TRDMT1: variants seen among roughly 807,000 people sequenced by gnomAD.
TRDMT1 encodes tRNA (cytosine(38)-C(5))-methyltransferase.
Under a neutral mutation model 51.2 loss-of-function variants are expected in TRDMT1, and 49 were observed. The observed-to-expected ratio is 0.96, with a 90% CI of 0.76 to 1.21. The LOEUF is 1.21. Among genes scored for constraint, TRDMT1 ranks in the 50% most tolerant of loss-of-function variants. The pLI is 0.00. For synonymous variants in TRDMT1, 187 were observed against 164.6 expected (o/e 1.14, Z -1.04); for missense variants, 534 against 462.3 (o/e 1.16, Z -1.42).
At position 17,179,357 on chromosome 10, in the gene TRDMT1, G is replaced by A. The variant is rs118067068; in HGVS notation, c.65-4697C>T. ...GGCTACAGAAAGGCCACATAGCCCA[G>A]CATTACCCTTAGTCCTGAGGATGCA... On this transcript the variant is annotated intron_variant, in intron 1 of 10. Coordinates refer to ENST00000377799, the MANE Select transcript of TRDMT1 (RefSeq NM_004412.7). 1.0e-3 allele frequency among the ~76,000 whole-genome samples: 152 copies of A among 152,170 alleles called. 4 individuals are homozygous for A. The East Asian group carries it at 0.017, about 17-fold the overall frequency.
intron 3 of TRDMT1, among the ~76,000 whole-genome samples, chr10:17,167,513 TG>T (rs1332084780): frequency 6.6e-6 from 1 of 152,192 alleles, no homozygotes; most frequent in Non-Finnish European, 1.5e-5. Flanking sequence ...GGATTACTAC[TG>T]CTATTTTCAT....
chr10:17,180,065 C>A (rs755530585), intron 1 of TRDMT1, among the ~76,000 whole-genome samples: 6 of 152,100 alleles, frequency 3.9e-5, no homozygotes, highest in Non-Finnish European at 8.8e-5. Context: ...TTACTACCTG[C>A]CATTATTGAC....
chr10:17,200,283 T>C (rs1845976563), intron 1 of TRDMT1, among the ~76,000 whole-genome samples: 1 of 152,200 alleles, frequency 6.6e-6, no homozygotes, highest in Admixed American at 6.5e-5. Flanking sequence ...AGCAATTCAT[T>C]AAGGAGTTTC....
At chr10:17,164,382 G>C (rs1317194269) in intron 3 of TRDMT1, among the ~76,000 whole-genome samples, 1 of 152,098 alleles carries the variant, frequency 6.6e-6, no homozygotes, top group African/African-American at 2.4e-5. Flanking sequence ...AATAATAAGA[G>C]CTATCTATGA....
chr10:17,151,264 A>C lies in TRDMT1; in HGVS notation c.1076-2124T>G, dbSNP rs990253110. The C allele has an allele frequency of 1.5e-5, 15 of 968,166 alleles. 1 individual carries two copies. The African/African-American group carries it at 2.6e-4, about 17-fold the overall frequency. 60.0% of individuals were successfully genotyped at this position (968,166 alleles called of 1,614,324 possible). A position where few individuals can be genotyped will look rare whatever the true frequency, so the allele number is the denominator to read the frequency against. The stretch of plus-strand genomic sequence containing the variant: ...TTAAAAGACAACTTTTAAAAAACTT[A>C]GATACATTAAAAATAACAATAATAA... On this transcript the variant is annotated intron_variant, in intron 10 of 10. Transcript: ENST00000377799.
chr10:17,148,045 CTCTT>C lies in TRDMT1; in HGVS notation c.*991_*994del. On this transcript the variant is annotated 3_prime_UTR_variant, in exon 11 of 11. Transcript: ENST00000377799. ...GGACTTGTTTCTTTTCATCTCTCTT[CTCTT>C]TGTCACTTGCTTTTATCACAAACCA... is the stretch of plus-strand genomic sequence containing the variant. 1 of 985,310 alleles carries C rather than the reference CTCTT, an allele frequency of 1.0e-6. No homozygotes were observed. The highest frequency in any genetic ancestry group is 1.1e-4 in the East Asian group (1 of 8,812). The allele number at this position is 985,310 out of a possible 1,614,324, so 61.0% of individuals were successfully genotyped here.
chr10:17,159,802 C>T (rs1046790317), intron 6 of TRDMT1, among the ~76,000 whole-genome samples: 5 of 152,100 alleles, frequency 3.3e-5, no homozygotes, highest in African/African-American at 1.2e-4. Context: ...AAGCTGACAG[C>T]AACACTTGCA....
intron 1 of TRDMT1, among the ~76,000 whole-genome samples, chr10:17,179,602 G>C (rs1359760994): frequency 6.6e-6 from 1 of 151,704 alleles, no homozygotes; most frequent in African/African-American, 2.4e-5. Context: ...TTATAATTAA[G>C]GTTAGAAAAT....
At chr10:17,198,666 T>C (rs1206158358) in intron 1 of TRDMT1, among the ~76,000 whole-genome samples, 3 of 152,208 alleles carry the variant, frequency 2.0e-5, no homozygotes, top group Non-Finnish European at 4.4e-5. Context: ...GGAGTTATTG[T>C]TTAACAGGTA....
rs11254402 is a variant in TRDMT1, at chr10:17,147,591, T to C, written c.*1449A>G. On this transcript the variant is annotated 3_prime_UTR_variant, in exon 11 of 11. Transcript: ENST00000377799. ...ATCCCCACAGGGTGGCTTATTTCAC[T>C]TCGCATAATGTACTCAAGGTTCATC... 21,549 of 156,280 alleles carry C rather than the reference T, an allele frequency of 0.14. 1,590 individuals are homozygous for C. The highest frequency in any genetic ancestry group is 0.17 in the Admixed American group (2,604 of 15,292). The allele number at this position is 156,280 out of a possible 1,614,324, so 9.7% of individuals were successfully genotyped here.
rs925753658 is a variant in TRDMT1, at chr10:17,144,119, C to T, written c.*4921G>A. ...TGAAGGGTAGAAAGAGACCTGAGGA[C>T]GGAACCTTCAGATAAGTCAGCTCCA... On this transcript the variant is annotated 3_prime_UTR_variant, in exon 11 of 11. Coordinates refer to ENST00000377799, the MANE Select transcript of TRDMT1 (RefSeq NM_004412.7). The T allele has an allele frequency of 8.8e-5, 87 of 985,272 alleles. No homozygotes were observed. The highest frequency in any genetic ancestry group is 9.9e-5 in the Non-Finnish European group (82 of 829,926). 61.0% of individuals were successfully genotyped at this position (985,272 alleles called of 1,614,324 possible).
At chr10:17,201,477 C>T (rs984152588) in intron 1 of TRDMT1, 94 bp downstream of exon 1, 59 of 1,346,680 alleles carry the variant, frequency 4.4e-5, no homozygotes, top group Non-Finnish European at 5.7e-5. Context: ...CAGTGTCCGC[C>T]CCTTGCGTCT....
chr10:17,159,569 A>G (rs1840024316), intron 6 of TRDMT1, among the ~76,000 whole-genome samples: 1 of 152,176 alleles, frequency 6.6e-6, no homozygotes, highest in South Asian at 2.1e-4. Flanking sequence ...AAATATAGCT[A>G]TTCTTGGCTA....
chr10:17,189,863 ACT>A (rs2131596303), intron 1 of TRDMT1, among the ~76,000 whole-genome samples: 1 of 152,236 alleles, frequency 6.6e-6, no homozygotes, highest in Non-Finnish European at 1.5e-5. Flanking sequence ...GTGCTAAAAG[ACT>A]CTGGCATTTG....
chr10:17,139,136 A>C lies in TRDMT1; in HGVS notation c.*9904T>G. 1 of 978,870 alleles carries C rather than the reference A, an allele frequency of 1.0e-6. No individual in the cohort carries two copies. Among genetic ancestry groups the C allele is most frequent in the Non-Finnish European group, 1.2e-6 (1 of 823,958 alleles). 60.6% of individuals were successfully genotyped at this position (978,870 alleles called of 1,614,324 possible). A position where few individuals can be genotyped will look rare whatever the true frequency, so the allele number is the denominator to read the frequency against. On this transcript the variant is annotated 3_prime_UTR_variant, in exon 11 of 11. Coordinates refer to ENST00000377799, the MANE Select transcript of TRDMT1 (RefSeq NM_004412.7). ...TGGATTAATCCAAGCTTGGTTTCCA[A>C]GGTGTGAAGCAATGAAGCGGAGTTT... is the stretch of plus-strand genomic sequence containing the variant.
intron 2 of TRDMT1, among the ~76,000 whole-genome samples, chr10:17,172,761 C>T (rs1310248493): frequency 6.6e-6 from 1 of 152,092 alleles, no homozygotes; most frequent in African/African-American, 2.4e-5. Flanking sequence ...AGATATTTGA[C>T]TATTTAATCC....
At chr10:17,197,187 T>A (rs1003316198) in intron 1 of TRDMT1, among the ~76,000 whole-genome samples, 1 of 151,982 alleles carries the variant, frequency 6.6e-6, no homozygotes, top group African/African-American at 2.4e-5. Flanking sequence ...CTACATATAA[T>A]ACAAAAAAAG....
At position 17,140,102 on chromosome 10, in the gene TRDMT1, G is replaced by A. The variant is rs576785206; in HGVS notation, c.*8938C>T. Among the ~76,000 whole-genome samples, 6 of 122,972 alleles carry A rather than the reference G, an allele frequency of 4.9e-5. No individual in the cohort carries two copies. The South Asian group carries it at 1.2e-3, about 24-fold the overall frequency. 80.7% of individuals were successfully genotyped at this position (122,972 alleles called of 152,430 possible). ...GCCCTGTCACCCAGGCTGGAATGAT[G>A]CAATGGCACGACCTCGGCTCACTGC... On this transcript the variant is annotated 3_prime_UTR_variant, in exon 11 of 11. Coordinates refer to ENST00000377799, the MANE Select transcript of TRDMT1 (RefSeq NM_004412.7).
At chr10:17,162,010 C>T (rs1840427647) in intron 4 of TRDMT1, among the ~76,000 whole-genome samples, 156 bp downstream of exon 4, 1 of 152,188 alleles carries the variant, frequency 6.6e-6, no homozygotes, top group Non-Finnish European at 1.5e-5. Context: ...TTTGCAGTTA[C>T]TCTATTAGTC....
Sources: allele counts gnomAD v4.1 joint callset (sites outside exome capture counted in the v4.1 genomes callset), GRCh38; gene constraint gnomAD v4.1.1; transcripts MANE v1.5; gene names NCBI Gene and HGNC (gene_info 2026-07-23, HGNC 2026-07-21).